STIM1: variants seen among roughly 807,000 people sequenced by gnomAD.
STIM1 encodes the protein stromal interaction molecule 1.
A neutral mutation model predicts 74.7 loss-of-function variants in STIM1; 25 were observed. The observed-to-expected ratio is 0.33, with a 90% CI of 0.24 to 0.47. STIM1 has a LOEUF of 0.47. Ranked by LOEUF, STIM1 falls within the 20% of genes least tolerant of loss-of-function variation. The pLI is 1.00. For synonymous variants in STIM1, 328 were observed against 348.8 expected, an observed-to-expected ratio of 0.94 and a Z score of 0.66; for missense variants, 728 against 920.8, an observed-to-expected ratio of 0.79 and a Z score of 2.71.
chr11:3,941,846 C>G (rs1462033092), intron 1 of STIM1, among the ~76,000 whole-genome samples: 1 of 151,500 alleles, frequency 6.6e-6, no homozygotes, highest in African/African-American at 2.4e-5. Context: ...ACCATCACAC[C>G]CAGCTAATTT....
At chr11:3,992,234 C>T (rs1344398365) in intron 2 of STIM1, among the ~76,000 whole-genome samples, 1 of 148,774 alleles carries the variant, frequency 6.7e-6, no homozygotes, top group Non-Finnish European at 1.5e-5. Flanking sequence ...TGTGGCAGAA[C>T]TTGGTCTCTA....
intron 1 of STIM1, among the ~76,000 whole-genome samples, chr11:3,881,935 G>A (rs1028826225): frequency 6.6e-6 from 1 of 151,966 alleles, no homozygotes; most frequent in African/African-American, 2.4e-5. Flanking sequence ...GCCTCCCAAA[G>A]TGCTGGGATT....
At chr11:4,064,648 GC>G (rs1374048814) in intron 5 of STIM1, among the ~76,000 whole-genome samples, 1 of 152,178 alleles carries the variant, frequency 6.6e-6, no homozygotes, top group Non-Finnish European at 1.5e-5. Flanking sequence ...GGGAACAGGT[GC>G]CATCTGTCCA....
At chr11:4,006,157 G>A (rs930698430) in intron 2 of STIM1, among the ~76,000 whole-genome samples, 1 of 152,146 alleles carries the variant, frequency 6.6e-6, no homozygotes, top group Non-Finnish European at 1.5e-5. Context: ...TCCCCTCTCA[G>A]TATTGAATAG....
chr11:3,986,567 G>C (rs1215184799), intron 2 of STIM1, among the ~76,000 whole-genome samples: 1 of 152,188 alleles, frequency 6.6e-6, no homozygotes, highest in Non-Finnish European at 1.5e-5. Context: ...CTGAAGGTAT[G>C]TCAGGAGCAG....
intron 2 of STIM1, among the ~76,000 whole-genome samples, chr11:4,007,434 G>A (rs2093793288): frequency 6.6e-6 from 1 of 152,148 alleles, no homozygotes; most frequent in African/African-American, 2.4e-5. Flanking sequence ...GTAAGATGTG[G>A]TAATGCCTAC....
chr11:3,987,658 A>G (rs188759994), intron 2 of STIM1, among the ~76,000 whole-genome samples: 1 of 152,338 alleles, frequency 6.6e-6, no homozygotes, highest in East Asian at 1.9e-4. Flanking sequence ...GACCTGTCAC[A>G]TAGTAACTAC....
chr11:4,024,627 A>G (rs900849531), intron 3 of STIM1, among the ~76,000 whole-genome samples: 4 of 152,172 alleles, frequency 2.6e-5, no homozygotes, highest in Non-Finnish European at 4.4e-5. Context: ...TTTTATCATC[A>G]CGGAGTTGAG....
chr11:3,978,955 G>A (rs1271468145), intron 2 of STIM1, among the ~76,000 whole-genome samples: 2 of 152,098 alleles, frequency 1.3e-5, no homozygotes, highest in African/African-American at 4.8e-5. Context: ...ATGTTATGCT[G>A]TATTTCCTTA....
chr11:3,987,410 T>C (rs1337352120), intron 2 of STIM1, among the ~76,000 whole-genome samples: 2 of 152,226 alleles, frequency 1.3e-5, no homozygotes, highest in African/African-American at 4.8e-5. Context: ...CTCTGGATGT[T>C]GACCAAGCTG....
chr11:3,994,196 G>A (rs2093641014), intron 2 of STIM1, among the ~76,000 whole-genome samples: 1 of 152,046 alleles, frequency 6.6e-6, no homozygotes, highest in South Asian at 2.1e-4. Context: ...TTGTCTTCTG[G>A]CATCCATTAT....
chr11:3,894,686 C>T (rs1334675494), intron 1 of STIM1, among the ~76,000 whole-genome samples: 4 of 152,148 alleles, frequency 2.6e-5, no homozygotes, highest in Non-Finnish European at 1.5e-5. Context: ...GAATCATGAG[C>T]TGATAACCTC....
intron 2 of STIM1, among the ~76,000 whole-genome samples, chr11:4,010,431 G>A (rs1322903980): frequency 1.3e-5 from 2 of 151,616 alleles, no homozygotes; most frequent in African/African-American, 4.8e-5. Flanking sequence ...TCAGCCTCCC[G>A]ATGTGCTGGG....
At chr11:3,873,883 T>C (rs1432186791) in intron 1 of STIM1, among the ~76,000 whole-genome samples, 1 of 152,160 alleles carries the variant, frequency 6.6e-6, no homozygotes, top group Non-Finnish European at 1.5e-5. Flanking sequence ...TGAGCATATC[T>C]AATTGGCTGA....
At chr11:3,959,332 A>G (rs2093258717) in intron 1 of STIM1, among the ~76,000 whole-genome samples, 1 of 152,230 alleles carries the variant, frequency 6.6e-6, no homozygotes, top group Non-Finnish European at 1.5e-5. Flanking sequence ...AAGTCGAAGC[A>G]TTAGATGGAC....
At position 3,861,170 on chromosome 11, in the gene STIM1, A is replaced by G. The variant is rs1344515643; in HGVS notation, c.139+4761A>G. 1.4e-5 allele frequency among the ~76,000 whole-genome samples: 2 copies of G among 146,238 alleles called. 1 individual carries two copies. The highest frequency in any genetic ancestry group is 4.6e-4 in the South Asian group (2 of 4,310). ...AGGCAGAGTTGCTTCATTGTTGGCT[A>G]GCTACCTCACATGAGCACCCATAGG... On this transcript the variant is annotated intron_variant, in intron 1 of 12. Transcript: ENST00000526596.
intron 2 of STIM1, among the ~76,000 whole-genome samples, chr11:4,018,786 C>T (rs1479033781): frequency 2.0e-5 from 3 of 152,168 alleles, no homozygotes; most frequent in Non-Finnish European, 2.9e-5. Context: ...CTTGAACATA[C>T]CAAGTATATT....
intron 4 of STIM1, among the ~76,000 whole-genome samples, chr11:4,057,825 G>A (rs1264487025): frequency 2.0e-5 from 3 of 150,292 alleles, no homozygotes; most frequent in Non-Finnish European, 4.4e-5. Flanking sequence ...AGCTGAGATC[G>A]CGCCACTGCA....
chr11:4,055,568 C>T lies in STIM1; in HGVS notation c.428C>T (p.Thr143Ile). Residue 143 changes from threonine (T) to isoleucine (I), a missense_variant, in exon 4 of 13, where the codon ACA becomes ATA. By Grantham distance (89) the Thr-to-Ile change is moderately conservative. Transcript: ENST00000526596. Reference protein sequence around the residue: ...TVDEVVQWLITYVELPQYEET... With the variant: ...TVDEVVQWLIIYVELPQYEET... ...GATGAGGTGGTACAGTGGCTGATCA[C>T]ATATGTGGAGCTGCCTCAGTATGAG... 3 of 1,601,554 alleles carry T rather than the reference C, an allele frequency of 1.9e-6. No individual in the cohort carries two copies. Among genetic ancestry groups the T allele is most frequent in the Non-Finnish European group, 2.6e-6 (3 of 1,175,334 alleles).
Sources: gnomAD v4.1 joint callset for allele counts (sites outside exome capture counted in the v4.1 genomes callset) on GRCh38, gnomAD v4.1.1 for gene constraint, MANE v1.5 for transcripts, NCBI Gene and HGNC (gene_info 2026-07-23, HGNC 2026-07-21) for gene names.